RMDN3: variants seen among roughly 807,000 people sequenced by gnomAD.
The protein encoded by RMDN3 is regulator of microtubule dynamics protein 3.
RMDN3 carries 41 observed loss-of-function variants against 61.8 expected under a neutral mutation model. The ratio of observed to expected loss-of-function variants is 0.66; its 90% CI spans 0.52 to 0.86. The LOEUF (loss-of-function observed/expected upper bound fraction) is 0.86. RMDN3 is among the 40% of genes least tolerant of loss of function. The probability of loss-of-function intolerance (pLI) is 0.00; values close to 1 mark genes in which losing one functional copy is unlikely to be tolerated. For missense variants in RMDN3, 557 were observed against 585.3 expected, an observed-to-expected ratio of 0.95 and a Z score of 0.50; for synonymous variants, 247 against 232.0, an observed-to-expected ratio of 1.06 and a Z score of -0.59.
rs1407822984 is a variant in RMDN3 at position 40,740,333 on chromosome 15, G to A, written c.911-140C>T. On this transcript the variant is annotated intron_variant, in intron 6 of 12. Coordinates refer to ENST00000338376, the MANE Select transcript of RMDN3 (RefSeq NM_018145.3). ...TGTTTGGAAATAGTTGTGAACTTGAGCAGAATGAAAGGCCGCAAAGAAGCC... is the reference window on the plus strand; with the variant it reads ...TGTTTGGAAATAGTTGTGAACTTGAACAGAATGAAAGGCCGCAAAGAAGCC... 5 of 696,014 alleles carry A rather than the reference G, an allele frequency of 7.2e-6. No homozygotes were observed. The East Asian group carries it at 1.1e-4, about 15-fold the overall frequency. The allele number at this position is 696,014 out of a possible 1,614,324, so 43.1% of individuals were successfully genotyped here.
intron 2 of RMDN3, among the ~76,000 whole-genome samples, chr15:40,753,810 T>A (rs1204959202): frequency 6.6e-6 from 1 of 152,338 alleles, no homozygotes; most frequent in South Asian, 2.1e-4. Flanking sequence ...CTTGGTTTCC[T>A]CATAGGAGGG....
intron 4 of RMDN3, among the ~76,000 whole-genome samples, chr15:40,749,498 G>T (rs991516846): frequency 6.6e-6 from 1 of 152,082 alleles, no homozygotes; most frequent in African/African-American, 2.4e-5. Context: ...CTGGGCAACA[G>T]AGTGAGACCC....
chr15:40,737,009 A>G (rs1897078453), intron 12 of RMDN3, 115 bp downstream of exon 12: 1 of 851,656 alleles, frequency 1.2e-6, no homozygotes, highest in Non-Finnish European at 2.0e-6. Flanking sequence ...GTGCGCCACT[A>G]GGCCCAACTA....
At chr15:40,740,819 C>T (rs1399694938) in intron 6 of RMDN3, among the ~76,000 whole-genome samples, 1 of 152,170 alleles carries the variant, frequency 6.6e-6, no homozygotes, top group Non-Finnish European at 1.5e-5. Flanking sequence ...GGCACGATGG[C>T]TTATGCCTGT....
rs1567060263 is a variant in RMDN3 at position 40,736,578 on chromosome 15, T to C, written c.1376A>G (p.Lys459Arg). 6 of 1,614,048 alleles carry C rather than the reference T, an allele frequency of 3.7e-6. No individual in the cohort carries two copies. Among genetic ancestry groups the C allele is most frequent in the Non-Finnish European group, 5.1e-6 (6 of 1,179,922 alleles). The stretch of plus-strand genomic sequence containing the variant: ...AATGACTTCCAGTTCTTCCAGGTCC[T>C]TCTGGATAGCCAAATCCTAGGGAGA... ...DVTKEDLAIQKDLEELEVILR... is the reference protein window; with the variant it reads ...DVTKEDLAIQRDLEELEVILR... Residue 459 changes from lysine to arginine, a missense_variant, in exon 13 of 13, where the codon AAG (lysine) becomes AGG (arginine). Lys to Arg is a conservative substitution (Grantham distance 26). Coordinates refer to ENST00000338376, the MANE Select transcript of RMDN3 (RefSeq NM_018145.3).
At chr15:40,751,292 T>A in intron 4 of RMDN3, 134 bp downstream of exon 4, 1 of 1,119,146 alleles carries the variant, frequency 8.9e-7, no homozygotes, top group South Asian at 1.5e-5. Flanking sequence ...TTGTTTCAAC[T>A]CTTCTGTATT....
chr15:40,754,851 G>C, intron 1 of RMDN3, 61 bp from the exon 2 acceptor site: 1 of 1,374,600 alleles, frequency 7.3e-7, no homozygotes, highest in Non-Finnish European at 9.8e-7. Context: ...GGTAAGGAGA[G>C]AGAGAGATTC....
At chr15:40,745,672 ATTAT>A in intron 4 of RMDN3, among the ~76,000 whole-genome samples, 1 of 152,124 alleles carries the variant, frequency 6.6e-6, no homozygotes, top group Admixed American at 6.6e-5. Context: ...AGCAGAAATC[ATTAT>A]TTGAGAGAAA....
chr15:40,748,150 T>C (rs1411142468), intron 4 of RMDN3, among the ~76,000 whole-genome samples: 3 of 152,132 alleles, frequency 2.0e-5, no homozygotes, highest in African/African-American at 7.2e-5. Flanking sequence ...AAGTTGTTAT[T>C]TGGAAGAAGG....
At chr15:40,744,219 C>G (rs755299299) in intron 5 of RMDN3, 70 bp from the exon 6 acceptor site, 1 of 1,409,822 alleles carries the variant, frequency 7.1e-7, no homozygotes, top group African/African-American at 1.4e-5. Context: ...CTTGGCCTTC[C>G]CCCACACCCT....
intron 6 of RMDN3, among the ~76,000 whole-genome samples, chr15:40,741,869 C>T (rs938884967): frequency 5.3e-5 from 8 of 151,730 alleles, no homozygotes; most frequent in African/African-American, 1.5e-4. Flanking sequence ...TCAGGTGATG[C>T]GCCCACCTCA....
Position 40,751,590 on chromosome 15 carries a change from C to G in RMDN3, c.381-21G>C, listed in dbSNP as rs750241772. ...GGCATCTGGAAAGCAGGCCCCATCC[C>G]GAAGGGTACCATTAGGTCCCATCCA... On this transcript the variant is annotated intron_variant, in intron 3 of 12. Coordinates refer to ENST00000338376, the MANE Select transcript of RMDN3 (RefSeq NM_018145.3). 7 of 1,613,924 alleles carry G rather than the reference C, an allele frequency of 4.3e-6. No homozygotes were observed. In the African/African-American group the frequency reaches 8.0e-5, roughly 18 times the overall value.
intron 4 of RMDN3, among the ~76,000 whole-genome samples, chr15:40,749,292 C>T (rs1198223316): frequency 6.6e-6 from 1 of 152,210 alleles, no homozygotes; most frequent in African/African-American, 2.4e-5. Context: ...TGTGGGAGAA[C>T]TGCTTGAGGC....
At chr15:40,752,628 T>C (rs551433669) in intron 2 of RMDN3, among the ~76,000 whole-genome samples, 2 of 152,144 alleles carry the variant, frequency 1.3e-5, no homozygotes, top group South Asian at 2.1e-4. Flanking sequence ...TAGGGAAAAC[T>C]TGGAGTTTCT....
intron 7 of RMDN3, 147 bp downstream of exon 7, chr15:40,739,986 A>T: frequency 1.5e-6 from 1 of 660,134 alleles, no homozygotes; most frequent in Admixed American, 2.2e-5. Context: ...GGCTAGGGGT[A>T]GACTGAGGCA....
At chr15:40,751,610 C>G in intron 3 of RMDN3, 41 bp from the exon 4 acceptor site, 2 of 1,613,488 alleles carry the variant, frequency 1.2e-6, no homozygotes, top group Non-Finnish European at 1.7e-6. Flanking sequence ...CATTAGGTCC[C>G]ATCCAGCTTG....
At chr15:40,743,988 G>T in intron 6 of RMDN3, 59 bp downstream of exon 6, 1 of 1,462,786 alleles carries the variant, frequency 6.8e-7, no homozygotes, top group Non-Finnish European at 9.3e-7. Flanking sequence ...CAGGCAGATG[G>T]GCCAGCCCCA....
At position 40,737,955 on chromosome 15, in the gene RMDN3, C is replaced by CGCAGCTTACCT. The variant is rs1555430559; in HGVS notation, c.1124_1125+9dup. 1.2e-6 allele frequency: 2 copies of CGCAGCTTACCT among 1,613,726 alleles called. No homozygotes were observed. The highest frequency in any genetic ancestry group is 8.5e-7 in the Non-Finnish European group (1 of 1,179,768). On this transcript the variant is annotated intron_variant, in intron 9 of 12. Transcript: ENST00000338376. The stretch of plus-strand genomic sequence containing the variant: ...AGGACCATTATGTCAAGCACTGAAA[C>CGCAGCTTACCT]GCAGCTTACCTGATAGCACCACCTG...
At chr15:40,751,359 AT>A in intron 4 of RMDN3, 66 bp downstream of exon 4, 3 of 1,564,850 alleles carry the variant, frequency 1.9e-6, no homozygotes, top group Non-Finnish European at 8.7e-7. Context: ...TGAATTTTCC[AT>A]TGATAATACT....
Sources: allele counts gnomAD v4.1 joint callset (sites outside exome capture counted in the v4.1 genomes callset), GRCh38; gene constraint gnomAD v4.1.1; transcripts MANE v1.5; gene names NCBI Gene and HGNC (gene_info 2026-07-23, HGNC 2026-07-21).